DET1: variants seen among roughly 807,000 people sequenced by gnomAD.
The protein encoded by DET1 is DET1 partner of COP1 E3 ubiquitin ligase.
A neutral mutation model predicts 43.7 loss-of-function variants in DET1; 22 were observed. That is an observed-to-expected ratio of 0.50 (90% CI 0.36 to 0.72). The LOEUF (loss-of-function observed/expected upper bound fraction) is 0.72. DET1 is among the 30% of genes least tolerant of loss of function. DET1 has a pLI of 0.00. For synonymous variants in DET1, 315 were observed against 266.2 expected, an observed-to-expected ratio of 1.18 and a Z score of -1.79; for missense variants, 713 against 713.3, an observed-to-expected ratio of 1.00 and a Z score of 0.00.
intron 3 of DET1, among the ~76,000 whole-genome samples, chr15:88,518,525 G>C (rs940345736): frequency 9.2e-5 from 14 of 152,104 alleles, no homozygotes; most frequent in African/African-American, 2.9e-4. Context: ...TTAAAGCAAA[G>C]ACTGGCAGAA....
At chr15:88,525,645 G>A (rs763055662) in intron 3 of DET1, among the ~76,000 whole-genome samples, 17 of 151,832 alleles carry the variant, frequency 1.1e-4, no homozygotes, top group South Asian at 2.1e-4. Flanking sequence ...TTGAGTGAGT[G>A]TACCCATCTT....
At chr15:88,513,832 C>G (rs1173404080) in intron 4 of DET1, among the ~76,000 whole-genome samples, 47 of 123,550 alleles carry the variant, frequency 3.8e-4, no homozygotes, top group South Asian at 5.3e-4. Context: ...CGGAGTCTCG[C>G]TCTGTCGCCC....
intron 1 of DET1, among the ~76,000 whole-genome samples, chr15:88,541,192 T>C (rs914112942): frequency 7.1e-6 from 1 of 140,178 alleles, no homozygotes; most frequent in African/African-American, 2.8e-5. Context: ...GAGATGTTTA[T>C]GTGTATGCAT....
chr15:88,534,751 G>A (rs2056904562), intron 1 of DET1, among the ~76,000 whole-genome samples: 1 of 152,158 alleles, frequency 6.6e-6, no homozygotes, highest in Non-Finnish European at 1.5e-5. Flanking sequence ...AAATTCATCT[G>A]CCATTAGAAC....
chr15:88,516,607 G>C lies in DET1; in HGVS notation c.1463+175C>G, dbSNP rs2056350755. 6.6e-6 allele frequency among the ~76,000 whole-genome samples: 1 copy of C among 152,202 alleles called. No individual in the cohort carries two copies. The highest frequency in any genetic ancestry group is 2.1e-4 in the South Asian group (1 of 4,828). On this transcript the variant is annotated intron_variant, in intron 4 of 4. Coordinates refer to ENST00000268148, the MANE Select transcript of DET1 (RefSeq NM_001144074.3). The surrounding 1 kb of genome is among the most constrained non-coding windows in gnomAD (Gnocchi z 4.4). ...AGCAAAGAGTAGGAATAATTTAGGA[G>C]ACTAGCACCTAAATGATCACAGCTC... is the stretch of plus-strand genomic sequence containing the variant.
At position 88,546,537 on chromosome 15, in the gene DET1, C is replaced by T. The variant is rs1197842741; in HGVS notation, c.-11+3G>A. The T allele has an allele frequency of 6.6e-6, 1 of 152,498 alleles. No individual in the cohort carries two copies. Among genetic ancestry groups the T allele is most frequent in the African/African-American group, 2.4e-5 (1 of 41,472 alleles). 9.4% of individuals were successfully genotyped at this position (152,498 alleles called of 1,614,324 possible). On this transcript the variant is annotated splice_donor_region_variant and intron_variant, in intron 1 of 4. Coordinates refer to ENST00000268148, the MANE Select transcript of DET1 (RefSeq NM_001144074.3). ...GGCTGGGCCAAAAATGGTAAGTCCT[C>T]ACCTGTCTGGTCCGGGCTCAAAGAG...
intron 3 of DET1, among the ~76,000 whole-genome samples, chr15:88,524,510 G>C (rs925304758): frequency 1.3e-5 from 2 of 152,232 alleles, no homozygotes; most frequent in African/African-American, 2.4e-5. Context: ...CGGTTTTGTC[G>C]AATAGAAAAG....
chr15:88,516,937 C>T lies in DET1; in HGVS notation c.1308G>A (p.Gly436=), dbSNP rs1418422388. The change falls in exon 4 of 5, where the codon GGG becomes GGA. Residue 436 remains glycine, a synonymous_variant. Coordinates refer to ENST00000268148, the MANE Select transcript of DET1 (RefSeq NM_001144074.3). This position sits in a 1 kb window ranked among gnomAD's most constrained non-coding sequence, Gnocchi z 4.4. ...KDTIINAKYG[G]HTEAVRRLLG... ...GCAGCCGGCGTACTGCCTCTGTGTGCCCTCCATACTTGGCATTTATAATAG... is the reference window on the plus strand; with the variant it reads ...GCAGCCGGCGTACTGCCTCTGTGTGTCCTCCATACTTGGCATTTATAATAG... The T allele has an allele frequency of 1.9e-6, 3 of 1,605,064 alleles. No individual in the cohort carries two copies. Among genetic ancestry groups the T allele is most frequent in the Admixed American group, 3.4e-5 (2 of 58,274 alleles).
At position 88,512,749 on chromosome 15, in the gene DET1, CA is replaced by C. The variant is rs1301103222; in HGVS notation, c.*201del. The C allele has an allele frequency of 7.7e-7, 1 of 1,297,516 alleles. No homozygotes were observed. The highest frequency in any genetic ancestry group is 9.8e-7 in the Non-Finnish European group (1 of 1,025,534). 80.4% of individuals were successfully genotyped at this position (1,297,516 alleles called of 1,614,324 possible). ...GGGAAAACGCAAGAGGATATTATAACAATCAGTAGCAGTATTGTATACAATT... is the reference window on the plus strand; with the variant it reads ...GGGAAAACGCAAGAGGATATTATAACATCAGTAGCAGTATTGTATACAATT... On this transcript the variant is annotated 3_prime_UTR_variant, in exon 5 of 5. Coordinates refer to ENST00000268148, the MANE Select transcript of DET1 (RefSeq NM_001144074.3).
At position 88,531,441 on chromosome 15, in the gene DET1, C is replaced by T; in HGVS notation, c.265G>A (p.Gly89Ser). 6.2e-7 allele frequency: 1 copy of T among 1,613,974 alleles called. No individual in the cohort carries two copies. ...AGTAGGTCCTCTGCTGCCTGGCAGCCCTGGTACTCATAGATTTCAAGAGAT... is the reference window on the plus strand; with the variant it reads ...AGTAGGTCCTCTGCTGCCTGGCAGCTCTGGTACTCATAGATTTCAAGAGAT... The part of the protein sequence containing the change: ...QTSLEIYEYQ[G>S]CQAAEDLLQG... The change falls in exon 2 of 5, where the codon GGC becomes AGC. Residue 89 changes from glycine to serine, a missense_variant. Gly to Ser is a moderately conservative substitution (Grantham distance 56). Transcript: ENST00000268148. This position sits in a 1 kb window ranked among gnomAD's most constrained non-coding sequence, Gnocchi z 6.2.
intron 2 of DET1, among the ~76,000 whole-genome samples, chr15:88,528,619 A>G (rs2056731040): frequency 6.6e-6 from 1 of 152,194 alleles, no homozygotes; most frequent in East Asian, 1.9e-4. Flanking sequence ...ACCTCCAGTG[A>G]TCTGCTCTGC....
intron 1 of DET1, among the ~76,000 whole-genome samples, chr15:88,541,120 G>A (rs1332423055): frequency 9.6e-6 from 1 of 104,240 alleles, no homozygotes; most frequent in Non-Finnish European, 1.8e-5. Flanking sequence ...CTGAGATAGG[G>A]AAAAACCGCC....
chr15:88,536,640 T>C (rs1598345100), intron 1 of DET1, among the ~76,000 whole-genome samples: 1 of 151,508 alleles, frequency 6.6e-6, no homozygotes, highest in East Asian at 1.9e-4. Context: ...TAGCTGGGCA[T>C]GGTGGCGGGG....
intron 1 of DET1, among the ~76,000 whole-genome samples, chr15:88,542,962 G>C (rs548777129): frequency 6.6e-6 from 1 of 152,208 alleles, no homozygotes; most frequent in African/African-American, 2.4e-5. Flanking sequence ...TGACAGGGCC[G>C]TGAGATACTG....
chr15:88,525,574 GACATA>G (rs1380595934), intron 3 of DET1, among the ~76,000 whole-genome samples: 4 of 152,294 alleles, frequency 2.6e-5, no homozygotes, highest in East Asian at 1.9e-4. Flanking sequence ...TATGGCAGTA[GACATA>G]ACAGACAAAA....
Position 88,513,051 on chromosome 15 carries a change from A to G in DET1, c.1553T>C (p.Val518Ala). 6.2e-7 allele frequency: 1 copy of G among 1,614,086 alleles called. No individual in the cohort carries two copies. Among genetic ancestry groups the G allele is most frequent in the Non-Finnish European group, 8.5e-7 (1 of 1,179,906 alleles). ...RPINHTVRRL[V>A]AFTFHPFEPF... ...CTCAAAAGGGTGAAAGGTGAAGGCAACAAGGCGTCGCACTGTGTGGTTGAT... is the reference window on the plus strand; with the variant it reads ...CTCAAAAGGGTGAAAGGTGAAGGCAGCAAGGCGTCGCACTGTGTGGTTGAT... Residue 518 changes from valine (V) to alanine (A), a missense_variant, in exon 5 of 5, where the codon GTT becomes GCT. Val to Ala is a moderately conservative substitution (Grantham distance 64, BLOSUM62 0). Coordinates refer to ENST00000268148, the MANE Select transcript of DET1 (RefSeq NM_001144074.3).
chr15:88,525,522 G>A (rs1048541782), intron 3 of DET1, among the ~76,000 whole-genome samples: 1 of 152,134 alleles, frequency 6.6e-6, no homozygotes, highest in Non-Finnish European at 1.5e-5. Context: ...AATACCTACA[G>A]AGCTCCTCCC....
downstream of DET1, among the ~76,000 whole-genome samples, chr15:88,511,133 TG>T (rs1286949517): frequency 6.6e-6 from 1 of 152,152 alleles, no homozygotes; most frequent in Non-Finnish European, 1.5e-5. Context: ...ACATTTTTCA[TG>T]ATCTACTAAG....
At chr15:88,530,465 C>A (rs2056780117) in intron 2 of DET1, among the ~76,000 whole-genome samples, 158 bp downstream of exon 2, 1 of 152,068 alleles carries the variant, frequency 6.6e-6, no homozygotes, top group South Asian at 2.1e-4. Flanking sequence ...TACATATGAC[C>A]AGAGAAAAAT....
Sources: gnomAD v4.1 joint callset for allele counts (sites outside exome capture counted in the v4.1 genomes callset) on GRCh38, gnomAD v4.1.1 for gene constraint, Gnocchi (gnomAD v3.1) non-coding constraint, MANE v1.5 for transcripts, NCBI Gene and HGNC (gene_info 2026-07-23, HGNC 2026-07-21) for gene names.